LIPA: variants seen among roughly 807,000 people sequenced by gnomAD.
LIPA encodes lipase A, lysosomal acid type, also known as lysosomal acid lipase/cholesteryl ester hydrolase.
Under a neutral mutation model 40.6 loss-of-function variants are expected in LIPA, and 26 were observed. The observed-to-expected ratio is 0.64, with a 90% CI of 0.47 to 0.89. LIPA has a LOEUF of 0.89. Ranked by LOEUF, LIPA falls within the 40% of genes least tolerant of loss-of-function variation. The pLI, the probability that LIPA is intolerant of heterozygous loss-of-function variation, is 0.00. For synonymous variants in LIPA, 188 were observed against 168.4 expected, an observed-to-expected ratio of 1.12 and a Z score of -0.90; for missense variants, 455 against 479.6, an observed-to-expected ratio of 0.95 and a Z score of 0.48.
chr10:89,286,738 A>G (rs1219028559), intron 1 of LIPA, among the ~76,000 whole-genome samples: 1 of 152,228 alleles, frequency 6.6e-6, no homozygotes, highest in Non-Finnish European at 1.5e-5. Flanking sequence ...TAAAACTCCA[A>G]AAATTAAATT....
intron 1 of LIPA, among the ~76,000 whole-genome samples, chr10:89,324,925 T>C (rs1019938900): frequency 4.6e-5 from 7 of 152,312 alleles, no homozygotes; most frequent in African/African-American, 1.7e-4. Context: ...CCCAGTCTAT[T>C]GGGTTGGTTC....
intron 2 of LIPA, among the ~76,000 whole-genome samples, chr10:89,397,750 G>A (rs1844365744): frequency 6.6e-6 from 1 of 152,084 alleles, no homozygotes; most frequent in Admixed American, 6.5e-5. Flanking sequence ...TAGATTTCCA[G>A]TGGTCTGTTG....
At chr10:89,227,621 T>G (rs181371667) in intron 4 of LIPA, among the ~76,000 whole-genome samples, 6 of 152,210 alleles carry the variant, frequency 3.9e-5, no homozygotes, top group African/African-American at 1.2e-4. Context: ...TGCATGCGCA[T>G]GTTGCCACTG....
rs1842777596 is a variant in LIPA at position 89,226,952 on chromosome 10, T to A, written c.481A>T (p.Asn161Tyr). Reference protein sequence around the residue: ...DLPASINFILNKTGQEQVYYV... With the variant: ...DLPASINFILYKTGQEQVYYV... Reference sequence around the variant, plus strand: ...TACACTTGTTCTTGGCCAGTTTTATTCAGAATGAAGTTAATGGAAGCTGGT... The same window carrying A: ...TACACTTGTTCTTGGCCAGTTTTATACAGAATGAAGTTAATGGAAGCTGGT... The change falls in exon 5 of 10, where the codon AAT (asparagine) becomes TAT (tyrosine). Residue 161 changes from asparagine to tyrosine, a missense_variant. By Grantham distance (143) the Asn-to-Tyr change is moderately radical. Coordinates refer to ENST00000336233, the MANE Select transcript of LIPA (RefSeq NM_000235.4). 6 of 1,613,680 alleles carry A rather than the reference T, an allele frequency of 3.7e-6. No individual in the cohort carries two copies. Among genetic ancestry groups the A allele is most frequent in the Non-Finnish European group, 4.2e-6 (5 of 1,179,684 alleles).
intron 1 of LIPA, among the ~76,000 whole-genome samples, chr10:89,302,927 C>T (rs1194177044): frequency 6.6e-6 from 1 of 151,526 alleles, no homozygotes; most frequent in Non-Finnish European, 1.5e-5. Flanking sequence ...TATGAGACAC[C>T]TTGCCCTCTG....
Position 89,214,648 on chromosome 10 carries a change from T to G in LIPA, c.*180A>C, listed in dbSNP as rs543234301. 1.0e-5 allele frequency: 6 copies of G among 580,552 alleles called. No individual in the cohort carries two copies. The African/African-American group carries it at 1.1e-4, about 11-fold the overall frequency. The allele number at this position is 580,552 out of a possible 1,614,324, so 36.0% of individuals were successfully genotyped here. On this transcript the variant is annotated 3_prime_UTR_variant, in exon 10 of 10. Coordinates refer to ENST00000336233, the MANE Select transcript of LIPA (RefSeq NM_000235.4). ...ATTCCAGCCCTAATTAAAGAAAAAA[T>G]AGCTAGTATGTTTCTAATTGAAACT...
At chr10:89,380,468 C>G (rs1844154854) in intron 2 of LIPA, among the ~76,000 whole-genome samples, 1 of 151,198 alleles carries the variant, frequency 6.6e-6, no homozygotes, top group South Asian at 2.1e-4. Flanking sequence ...CAGGGCCTCC[C>G]TCTGTCACCC....
At chr10:89,335,877 G>A (rs934370020) in intron 1 of LIPA, among the ~76,000 whole-genome samples, 4 of 152,062 alleles carry the variant, frequency 2.6e-5, no homozygotes, top group Non-Finnish European at 5.9e-5. Flanking sequence ...AATTATCATC[G>A]TTATAACTTA....
chr10:89,268,749 T>A (rs1843250390), intron 1 of LIPA, among the ~76,000 whole-genome samples: 1 of 152,066 alleles, frequency 6.6e-6, no homozygotes, highest in South Asian at 2.1e-4. Flanking sequence ...CACTTTGGGA[T>A]GCTGAGGCGG....
At chr10:89,312,378 C>T (rs552478215) in intron 1 of LIPA, among the ~76,000 whole-genome samples, 35 of 151,888 alleles carry the variant, frequency 2.3e-4, no homozygotes, top group Non-Finnish European at 4.7e-4. Context: ...GAGGTGGGGG[C>T]TTCAGTGAGC....
intron 3 of LIPA, among the ~76,000 whole-genome samples, chr10:89,237,731 T>C (rs1842923411): frequency 6.6e-6 from 1 of 152,230 alleles, no homozygotes. Context: ...GCTTTTTTCC[T>C]GAAGTCAGGA....
chr10:89,405,555 C>T, intron 2 of LIPA: 1 of 152,166 alleles, frequency 6.6e-6, no homozygotes, highest in East Asian at 1.9e-4. Context: ...AAATGGGTTT[C>T]AATGAGCCAA....
chr10:89,376,931 G>T (rs148146373), intron 2 of LIPA, among the ~76,000 whole-genome samples: 1 of 152,168 alleles, frequency 6.6e-6, no homozygotes, highest in Non-Finnish European at 1.5e-5. Flanking sequence ...GTTTCATTTG[G>T]TAATTATGAG....
intron 2 of LIPA, among the ~76,000 whole-genome samples, chr10:89,370,900 C>G (rs1844087856): frequency 6.6e-6 from 1 of 152,148 alleles, no homozygotes; most frequent in Non-Finnish European, 1.5e-5. Flanking sequence ...CACCTGTACT[C>G]CCAGCTACTC....
intron 1 of LIPA, chr10:89,332,602 A>T: frequency 1.2e-6 from 2 of 1,614,160 alleles, no homozygotes; most frequent in Non-Finnish European, 1.7e-6. Context: ...AGCTTTTCAG[A>T]ACTGCAGGGA....
intron 2 of LIPA, among the ~76,000 whole-genome samples, chr10:89,407,110 T>G (rs1841422707): frequency 6.6e-6 from 1 of 152,106 alleles, no homozygotes; most frequent in Admixed American, 6.5e-5. Flanking sequence ...TTCCTGTACT[T>G]CCAGGCTGAA....
intron 8 of LIPA, among the ~76,000 whole-genome samples, chr10:89,217,283 G>C (rs989628825): frequency 6.6e-6 from 1 of 152,238 alleles, no homozygotes. Flanking sequence ...AAAAGACAGA[G>C]TGAGATGATA....
At chr10:89,349,599 T>C (rs1005526792) in intron 2 of LIPA, among the ~76,000 whole-genome samples, 4 of 152,280 alleles carry the variant, frequency 2.6e-5, no homozygotes, top group East Asian at 1.9e-4. Context: ...TTTTCACAGA[T>C]TGAAACTAAT....
chr10:89,402,528 G>A, intron 2 of LIPA: 1 of 1,614,126 alleles, frequency 6.2e-7, no homozygotes, highest in Non-Finnish European at 8.5e-7. Flanking sequence ...AATGCAGGAA[G>A]AACATGACAA....
Sources: gnomAD v4.1 joint callset for allele counts (sites outside exome capture counted in the v4.1 genomes callset) on GRCh38, gnomAD v4.1.1 for gene constraint, MANE v1.5 for transcripts, NCBI Gene and HGNC (gene_info 2026-07-23, HGNC 2026-07-21) for gene names.